Variants in NCKAP5 observed in about 807,000 individuals in gnomAD.
NCKAP5 encodes the protein nck-associated protein 5.
In NCKAP5, 92 loss-of-function variants were observed where a neutral mutation model predicts 167.0. The ratio of observed to expected loss-of-function variants is 0.55; its 90% confidence interval spans 0.47 to 0.66. The LOEUF is 0.66. Ranked by LOEUF, NCKAP5 falls within the 30% of genes least tolerant of loss-of-function variation. The pLI is 0.00. For synonymous variants in NCKAP5, 891 were observed against 877.4 expected (o/e 1.02, Z -0.27); for missense variants, 2,378 against 2,315.0 (o/e 1.03, Z -0.56).
At chr2:132,882,350 C>T (rs72850145) in intron 8 of NCKAP5, among the ~76,000 whole-genome samples, 22,795 of 152,086 alleles carry the variant, frequency 0.15, 2,096 homozygotes, top group East Asian at 0.3. Flanking sequence ...CACACTCCTA[C>T]ATGCACAGGC....
In NCKAP5 at chr2:132,805,481, A is replaced by T. The variant is rs79571357; in HGVS notation, c.808-8752T>A. ...ACAATGTGATATCTGTTTGCTAGACACAAACATCATTCATTCATTTACTTA... is the reference window on the plus strand; with the variant it reads ...ACAATGTGATATCTGTTTGCTAGACTCAAACATCATTCATTCATTTACTTA... On this transcript the variant is annotated intron_variant, in intron 11 of 19. Coordinates refer to ENST00000409261, the MANE Select transcript of NCKAP5 (RefSeq NM_207363.3). Among the ~76,000 whole-genome samples the T allele has an allele frequency of 2.8e-3, 424 of 152,306 alleles. 3 individuals carry two copies. The highest frequency in any genetic ancestry group is 9.6e-3 in the African/African-American group (400 of 41,588).
intron 5 of NCKAP5, among the ~76,000 whole-genome samples, chr2:133,205,209 C>T (rs1022584682): frequency 1.6e-4 from 25 of 152,018 alleles, no homozygotes; most frequent in Non-Finnish European, 3.1e-4. Flanking sequence ...AGGTGGGTCG[C>T]TTGAGCCCAG....
At chr2:133,598,690 A>G in the NCKAP5 span, among the ~76,000 whole-genome samples, 1 of 152,178 alleles carries the variant, frequency 6.6e-6, no homozygotes, top group Non-Finnish European at 1.5e-5. Flanking sequence ...AAAATAGGTG[A>G]CCTGTATATT....
intron 5 of NCKAP5, among the ~76,000 whole-genome samples, chr2:133,167,948 A>G (rs2084068325): frequency 1.3e-5 from 2 of 152,204 alleles, no homozygotes; most frequent in African/African-American, 4.8e-5. Context: ...CTATAACATT[A>G]TCATCATAAC....
In NCKAP5 at chr2:133,246,148, G is replaced by A. The variant is rs140331906; in HGVS notation, c.144-32369C>T. On this transcript the variant is annotated intron_variant, in intron 4 of 19. Transcript: ENST00000409261. Reference sequence around the variant, plus strand: ...AATAGGAATGATTCCAGGGAGGGAGGCTGTAGGGGCAAAATGAATGGTAAC... The same window carrying A: ...AATAGGAATGATTCCAGGGAGGGAGACTGTAGGGGCAAAATGAATGGTAAC... 1.1e-4 allele frequency among the ~76,000 whole-genome samples: 16 copies of A among 152,130 alleles called. 1 individual carries two copies. The highest frequency in any genetic ancestry group is 8.5e-4 in the Admixed American group (13 of 15,280).
At chr2:132,726,848 T>C (rs1690499158) in intron 18 of NCKAP5, among the ~76,000 whole-genome samples, 1 of 152,300 alleles carries the variant, frequency 6.6e-6, no homozygotes, top group Admixed American at 6.5e-5. Flanking sequence ...GAGATACCAG[T>C]AGTCTAGCAA....
At chr2:132,743,367 G>T (rs371206078) in intron 16 of NCKAP5, among the ~76,000 whole-genome samples, 2 of 151,838 alleles carry the variant, frequency 1.3e-5, no homozygotes. Context: ...TATATATTTT[G>T]TTTATTGTGA....
intron 13 of NCKAP5, among the ~76,000 whole-genome samples, chr2:132,789,692 C>T (rs1222318067): frequency 6.6e-6 from 1 of 152,098 alleles, no homozygotes; most frequent in African/African-American, 2.4e-5. Context: ...TCCAGCTTTG[C>T]GAGTCCACTG....
chr2:132,774,649 A>C (rs1034340841), intron 15 of NCKAP5, among the ~76,000 whole-genome samples: 2 of 152,200 alleles, frequency 1.3e-5, no homozygotes, highest in Non-Finnish European at 2.9e-5. Flanking sequence ...CAAATGCAGT[A>C]AGTGGCAACA....
intron 16 of NCKAP5, among the ~76,000 whole-genome samples, chr2:132,745,854 A>G (rs1165873054): frequency 6.6e-6 from 1 of 152,048 alleles, no homozygotes; most frequent in African/African-American, 2.4e-5. Context: ...AAATATGAAA[A>G]AAACACATCT....
At chr2:132,774,024 A>C in intron 15 of NCKAP5, 130 bp from the exon 16 acceptor site, 3 of 668,944 alleles carry the variant, frequency 4.5e-6, no homozygotes, top group Admixed American at 6.0e-5. Flanking sequence ...ATGTATATAC[A>C]TGTGTGAGTA....
intron 3 of NCKAP5, among the ~76,000 whole-genome samples, chr2:133,432,436 C>T (rs1690220440): frequency 6.6e-6 from 1 of 152,144 alleles, no homozygotes; most frequent in Non-Finnish European, 1.5e-5. Flanking sequence ...GCTTTGAGAA[C>T]CCCTTCCTTC....
intron 6 of NCKAP5, among the ~76,000 whole-genome samples, chr2:133,030,137 A>G (rs751476280): frequency 1.1e-4 from 17 of 152,186 alleles, no homozygotes; most frequent in Non-Finnish European, 1.8e-4. Flanking sequence ...ATTCGGTTTC[A>G]GGGAAGAAAA....
At chr2:133,487,044 A>G (rs973656424) in intron 3 of NCKAP5, among the ~76,000 whole-genome samples, 1 of 152,182 alleles carries the variant, frequency 6.6e-6, no homozygotes, top group Admixed American at 6.5e-5. Context: ...TCTTTGAAAG[A>G]CTGGCTCAAA....
At chr2:133,178,829 CAAAAA>C (rs66552853) in intron 5 of NCKAP5, among the ~76,000 whole-genome samples, 21 of 58,818 alleles carry the variant, frequency 3.6e-4, no homozygotes, top group African/African-American at 1.2e-3. Flanking sequence ...GACTCCGTCT[CAAAAA>C]AAAAAAAAAA....
In NCKAP5 at chr2:133,181,603, C is replaced by CAAAAAAAAAA. The variant is rs34264277; in HGVS notation, c.207+32103_207+32112dup. Among the ~76,000 whole-genome samples, 53 of 71,146 alleles carry CAAAAAAAAAA rather than the reference C, an allele frequency of 7.4e-4. 1 individual carries two copies. The highest frequency in any genetic ancestry group is 2.4e-3 in the African/African-American group (41 of 17,354). 46.7% of individuals were successfully genotyped at this position (71,146 alleles called of 152,430 possible). On this transcript the variant is annotated intron_variant, in intron 5 of 19. Coordinates refer to ENST00000409261, the MANE Select transcript of NCKAP5 (RefSeq NM_207363.3). ...GCAACATGGTAAATCCCCATCTCTACAAAAAAAAAAAAAAAAAAAAAAAAA... is the reference window on the plus strand; with the variant it reads ...GCAACATGGTAAATCCCCATCTCTACAAAAAAAAAAAAAAAAAAAAAAAAAAAAAAAAAAA...
At chr2:133,195,361 T>C (rs185840836) in intron 5 of NCKAP5, among the ~76,000 whole-genome samples, 2 of 149,222 alleles carry the variant, frequency 1.3e-5, no homozygotes, top group East Asian at 3.9e-4. Flanking sequence ...GTCCAGAGAA[T>C]AGACGAAATC....
chr2:132,770,303 C>T (rs547829645), intron 16 of NCKAP5, among the ~76,000 whole-genome samples: 29 of 150,634 alleles, frequency 1.9e-4, no homozygotes, highest in Non-Finnish European at 3.7e-4. Flanking sequence ...GTTTGCCTTC[C>T]TCCAGTCTTT....
At chr2:132,692,831 G>A (rs1686902907) in intron 19 of NCKAP5, among the ~76,000 whole-genome samples, 1 of 152,150 alleles carries the variant, frequency 6.6e-6, no homozygotes, top group Non-Finnish European at 1.5e-5. Flanking sequence ...AATTCTCCAT[G>A]ATCTATTCTT....
Sources: allele counts gnomAD v4.1 joint callset (sites outside exome capture counted in the v4.1 genomes callset), GRCh38; gene constraint gnomAD v4.1.1; transcripts MANE v1.5; gene names NCBI Gene and HGNC (gene_info 2026-07-23, HGNC 2026-07-21).